PRUNE1: variants seen among roughly 807,000 people sequenced by gnomAD.
PRUNE1 encodes the protein exopolyphosphatase PRUNE1.
A neutral mutation model predicts 42.5 loss-of-function variants in PRUNE1; 25 were observed. The ratio of observed to expected loss-of-function variants is 0.59; its 90% CI spans 0.43 to 0.82. The LOEUF is 0.82. Among genes scored for constraint, PRUNE1 ranks in the 40% least tolerant of loss-of-function variants. The pLI is 0.00. For missense variants in PRUNE1, 443 were observed against 539.3 expected (o/e 0.82, Z 1.77); for synonymous variants, 203 against 217.1 (o/e 0.93, Z 0.57).
At chr1:151,031,119 T>C (rs1446784636) in intron 7 of PRUNE1, among the ~76,000 whole-genome samples, 5 of 152,038 alleles carry the variant, frequency 3.3e-5, no homozygotes, top group African/African-American at 1.2e-4. Flanking sequence ...GACTCTACCA[T>C]TGTCTAGGTT....
chr1:151,011,290 A>G (rs1281282064), intron 1 of PRUNE1, among the ~76,000 whole-genome samples: 2 of 152,210 alleles, frequency 1.3e-5, no homozygotes, highest in African/African-American at 2.4e-5. Flanking sequence ...GAAATTTTCT[A>G]TAGCCTCTGC....
In PRUNE1 at chr1:151,033,721, C is replaced by T. The variant is rs969483753; in HGVS notation, c.934-85C>T. On this transcript the variant is annotated intron_variant, in intron 7 of 7. Coordinates refer to ENST00000271620, the MANE Select transcript of PRUNE1 (RefSeq NM_021222.3). ...ACTTACTTTTTAAAAGCTTCCTCTT[C>T]TATAGAGGAAGCCTCTCACTTAGAA... 6 of 1,330,222 alleles carry T rather than the reference C, an allele frequency of 4.5e-6. No homozygotes were observed. The African/African-American group carries it at 8.8e-5, about 20-fold the overall frequency. 82.4% of individuals were successfully genotyped at this position (1,330,222 alleles called of 1,614,324 possible). A position where few individuals can be genotyped will look rare whatever the true frequency, so the allele number is the denominator to read the frequency against.
Position 151,025,613 on chromosome 1 carries a change from G to T in PRUNE1, c.619G>T (p.Asp207Tyr). The change falls in exon 5 of 8, where the codon GAC becomes TAC. Residue 207 changes from aspartate to tyrosine, a missense_variant. Physicochemically the swap from Asp to Tyr is radical, Grantham distance 160. Coordinates refer to ENST00000271620, the MANE Select transcript of PRUNE1 (RefSeq NM_021222.3). ...YVEKLEALFP[D>Y]LPKRNDIFDS... ...GGAGAAACTAGAGGCCCTTTTCCCA[G>T]ACCTACCCAAGAGAAATGATATATT... 6.2e-7 allele frequency: 1 copy of T among 1,613,894 alleles called. No individual in the cohort carries two copies.
intron 1 of PRUNE1, among the ~76,000 whole-genome samples, chr1:151,014,104 C>T (rs1225025982): frequency 6.6e-6 from 1 of 152,032 alleles, no homozygotes; most frequent in African/African-American, 2.4e-5. Context: ...CTCAGCCTCC[C>T]GAGTAGCTGG....
At chr1:151,024,892 C>G in intron 4 of PRUNE1, 97 bp downstream of exon 4, 1 of 1,256,218 alleles carries the variant, frequency 8.0e-7, no homozygotes, top group Non-Finnish European at 1.1e-6. Flanking sequence ...TAACCATATG[C>G]TCTCAGAGCC....
chr1:151,021,037 C>G (rs1179037121), intron 3 of PRUNE1, among the ~76,000 whole-genome samples: 1 of 149,438 alleles, frequency 6.7e-6, no homozygotes, highest in Admixed American at 6.7e-5. Context: ...GTCCCAGCTA[C>G]TTGGGAGGCT....
intron 7 of PRUNE1, among the ~76,000 whole-genome samples, chr1:151,032,332 T>C (rs1428040087): frequency 6.6e-6 from 1 of 151,734 alleles, no homozygotes; most frequent in Non-Finnish European, 1.5e-5. Flanking sequence ...GGAGGATTGC[T>C]TGAGACCAGG....
chr1:151,020,221 G>A (rs1167633179), intron 3 of PRUNE1, among the ~76,000 whole-genome samples: 4 of 144,096 alleles, frequency 2.8e-5, no homozygotes, highest in African/African-American at 1.0e-4. Flanking sequence ...ACTATAGCGA[G>A]ACCCTGTTCT....
intron 6 of PRUNE1, 79 bp from the exon 7 acceptor site, chr1:151,028,707 G>A: frequency 1.4e-6 from 2 of 1,480,532 alleles, no homozygotes; most frequent in South Asian, 1.2e-5. Context: ...ATAGGCGTAA[G>A]CGACCGTGCC....
Position 151,012,404 on chromosome 1 carries a change from C to T in PRUNE1, c.39+3733C>T, listed in dbSNP as rs12063995. Among the ~76,000 whole-genome samples the T allele has an allele frequency of 3.5e-3, 528 of 152,274 alleles. 3 individuals are homozygous for T. Among genetic ancestry groups the T allele is most frequent in the South Asian group, 8.1e-3 (39 of 4,816 alleles). ...TCCCCTGTGTAATCATTAATAGCAC[C>T]CCTTTTCATTCTCATAAGCGTCCCA... On this transcript the variant is annotated intron_variant, in intron 1 of 7. Transcript: ENST00000271620.
rs1239061619 is a variant in PRUNE1 at position 151,035,197 on chromosome 1, C to T, written c.*963C>T. ...CCCCATCTGTAAAACAGGGTTTGGA[C>T]TAGGTGTTCCCTGGTATTCTGTGAT... On this transcript the variant is annotated 3_prime_UTR_variant, in exon 8 of 8. Coordinates refer to ENST00000271620, the MANE Select transcript of PRUNE1 (RefSeq NM_021222.3). 1 of 152,212 alleles carries T rather than the reference C, an allele frequency of 6.6e-6. No individual in the cohort carries two copies. The highest frequency in any genetic ancestry group is 1.5e-5 in the Non-Finnish European group (1 of 68,066). 9.4% of individuals were successfully genotyped at this position (152,212 alleles called of 1,614,324 possible). A position where few individuals can be genotyped will look rare whatever the true frequency, so the allele number is the denominator to read the frequency against.
At chr1:151,020,749 A>AG (rs1674366964) in intron 3 of PRUNE1, among the ~76,000 whole-genome samples, 1 of 151,990 alleles carries the variant, frequency 6.6e-6, no homozygotes, top group African/African-American at 2.4e-5. Context: ...TGGGAGGCTG[A>AG]GGGGGGCGGA....
At chr1:151,014,236 C>T (rs1027178027) in intron 1 of PRUNE1, among the ~76,000 whole-genome samples, 1 of 152,208 alleles carries the variant, frequency 6.6e-6, no homozygotes, top group African/African-American at 2.4e-5. Flanking sequence ...GCCTCGGCCT[C>T]CCAAAGTGCT....
At chr1:151,032,257 A>AT (rs397787876) in intron 7 of PRUNE1, among the ~76,000 whole-genome samples, 13 of 150,410 alleles carry the variant, frequency 8.6e-5, no homozygotes, top group Non-Finnish European at 1.9e-4. Flanking sequence ...AAAAAAAAAA[A>AT]TTAAAGTAAA....
intron 5 of PRUNE1, among the ~76,000 whole-genome samples, chr1:151,026,328 T>C (rs967749455): frequency 6.6e-6 from 1 of 151,798 alleles, no homozygotes; most frequent in Non-Finnish European, 1.5e-5. Flanking sequence ...CGTGGTGGTG[T>C]GTGCCTGTAA....
rs1330681739 is a variant in PRUNE1, at chr1:151,035,324, G to T, written c.*1090G>T. ...CACTTGATTGTCTGTATTTCTGTGT[G>T]GTTGTAGCAAGGACTCAGCCTCATG... On this transcript the variant is annotated 3_prime_UTR_variant, in exon 8 of 8. Coordinates refer to ENST00000271620, the MANE Select transcript of PRUNE1 (RefSeq NM_021222.3). 1 of 152,228 alleles carries T rather than the reference G, an allele frequency of 6.6e-6. No homozygotes were observed. The highest frequency in any genetic ancestry group is 6.6e-5 in the Admixed American group (1 of 15,254). 9.4% of individuals were successfully genotyped at this position (152,228 alleles called of 1,614,324 possible).
intron 3 of PRUNE1, among the ~76,000 whole-genome samples, chr1:151,023,255 G>A (rs1199139337): frequency 6.6e-6 from 1 of 152,156 alleles, no homozygotes; most frequent in Non-Finnish European, 1.5e-5. Flanking sequence ...CTCTTGGTTG[G>A]AAGCAGGTGA....
chr1:151,010,347 G>A (rs961234720), intron 1 of PRUNE1, among the ~76,000 whole-genome samples: 1 of 152,178 alleles, frequency 6.6e-6, no homozygotes, highest in Non-Finnish European at 1.5e-5. Flanking sequence ...GCTTCCCAAG[G>A]TGTTGGAATT....
intron 1 of PRUNE1, among the ~76,000 whole-genome samples, chr1:151,016,446 AC>A (rs1674106888): frequency 6.6e-6 from 1 of 152,138 alleles, no homozygotes; most frequent in South Asian, 2.1e-4. Context: ...TTAAAACCAA[AC>A]AAAACCCAAG....
Sources: allele counts gnomAD v4.1 joint callset (sites outside exome capture counted in the v4.1 genomes callset), GRCh38; gene constraint gnomAD v4.1.1; transcripts MANE v1.5; gene names NCBI Gene and HGNC (gene_info 2026-07-23, HGNC 2026-07-21).